The following PDE1C variants were observed in gnomAD, a reference collection of about 807,000 sequenced individuals.
The protein encoded by PDE1C is dual specificity calcium/calmodulin-dependent 3',5'-cyclic nucleotide phosphodiesterase 1C.
In PDE1C, 62 loss-of-function variants were observed where a neutral mutation model predicts 93.1. The ratio of observed to expected loss-of-function variants is 0.67; its 90% CI spans 0.54 to 0.82. The LOEUF is 0.82. PDE1C is among the 40% of genes least tolerant of loss of function. The pLI, the probability that PDE1C is intolerant of heterozygous loss-of-function variation, is 0.00. For missense variants in PDE1C, 742 were observed against 884.6 expected (o/e 0.84, Z 2.04); for synonymous variants, 325 against 310.1 (o/e 1.05, Z -0.50).
chr7:31,930,592 G>A (rs1804061209), intron 2 of PDE1C, among the ~76,000 whole-genome samples: 1 of 152,092 alleles, frequency 6.6e-6, no homozygotes, highest in Admixed American at 6.6e-5. Context: ...TGTAATCCCA[G>A]CACCTTGGAA....
At chr7:31,647,211 C>T in the PDE1C span, among the ~76,000 whole-genome samples, 1 of 152,150 alleles carries the variant, frequency 6.6e-6, no homozygotes, top group East Asian at 1.9e-4. Flanking sequence ...TAAGAGTGAG[C>T]CTGGGTTTGT....
chr7:31,892,729 G>A (rs1256926117), intron 2 of PDE1C, among the ~76,000 whole-genome samples: 1 of 152,052 alleles, frequency 6.6e-6, no homozygotes, highest in African/African-American at 2.4e-5. Context: ...TTCTGTGTCT[G>A]GCTTATTTCA....
At chr7:32,139,603 T>C (rs1453854590) in intron 3 of PDE1C, among the ~76,000 whole-genome samples, 1 of 152,032 alleles carries the variant, frequency 6.6e-6, no homozygotes, top group Non-Finnish European at 1.5e-5. Flanking sequence ...CCAGGTAAAG[T>C]GTAATCATTG....
chr7:32,317,208 G>A (rs1170877385), intron 1 of PDE1C, among the ~76,000 whole-genome samples: 1 of 152,232 alleles, frequency 6.6e-6, no homozygotes, highest in Admixed American at 6.5e-5. Flanking sequence ...AGAAGTAACA[G>A]AAGAGTTGGT....
rs1783789459 is a variant in PDE1C, at chr7:32,343,126, G to C, written c.310+84696C>G. The stretch of plus-strand genomic sequence containing the variant: ...CAACAAGGACTTGTGGACAATGCAA[G>C]GGTGAACAGCAGGAAAGGCAGAAAC... On this transcript the variant is annotated intron_variant, in intron 1 of 1. Transcript: ENST00000672256. Among the ~76,000 whole-genome samples the C allele has an allele frequency of 3.9e-5, 6 of 152,138 alleles. No homozygotes were observed. In the South Asian group the frequency reaches 1.2e-3, roughly 32 times the overall value.
the PDE1C span, among the ~76,000 whole-genome samples, chr7:31,628,490 C>G: frequency 2.0e-4 from 30 of 150,568 alleles, no homozygotes; most frequent in East Asian, 3.5e-3. Context: ...AGGAGTCTCG[C>G]TCTGTCACTC....
the PDE1C span, among the ~76,000 whole-genome samples, chr7:31,725,198 G>A: frequency 6.6e-6 from 1 of 152,010 alleles, no homozygotes; most frequent in Non-Finnish European, 1.5e-5. Context: ...GGACCACAGG[G>A]GTCTCTGTGG....
intron 12 of PDE1C, among the ~76,000 whole-genome samples, chr7:31,826,555 C>T (rs1395753541): frequency 6.6e-6 from 1 of 152,074 alleles, no homozygotes; most frequent in Non-Finnish European, 1.5e-5. Flanking sequence ...CATAAGCTTC[C>T]CCACAACCTT....
At chr7:32,124,037 C>T (rs1169654803) in intron 3 of PDE1C, among the ~76,000 whole-genome samples, 1 of 152,168 alleles carries the variant, frequency 6.6e-6, no homozygotes, top group Non-Finnish European at 1.5e-5. Context: ...GTGCAAAAAT[C>T]ACAAGCATTC....
chr7:31,734,779 C>CA, the PDE1C span, among the ~76,000 whole-genome samples: 9 of 151,430 alleles, frequency 5.9e-5, no homozygotes, highest in African/African-American at 2.2e-4. Flanking sequence ...GGTAATCTAA[C>CA]AAAAAAAAAT....
intron 2 of PDE1C, among the ~76,000 whole-genome samples, chr7:31,942,732 G>A (rs757924284): frequency 2.6e-5 from 4 of 152,110 alleles, no homozygotes; most frequent in Non-Finnish European, 4.4e-5. Flanking sequence ...CTATCTTGAT[G>A]GTTGATTGCT....
rs796122014 is a variant in PDE1C, at chr7:32,341,173, C to CTATTTTTT, written c.310+86648_310+86649insAAAAAATA. 1.0e-3 allele frequency among the ~76,000 whole-genome samples: 88 copies of CTATTTTTT among 84,958 alleles called. 4 individuals are homozygous for CTATTTTTT. The highest frequency in any genetic ancestry group is 0.011 in the Middle Eastern group (1 of 88). 55.7% of individuals were successfully genotyped at this position (84,958 alleles called of 152,430 possible). A position where few individuals can be genotyped will look rare whatever the true frequency, so the allele number is the denominator to read the frequency against. ...CCTAAAACTACTCTAGAAATAAAGT[C>CTATTTTTT]TTTTTTTTTTTTTTTTTTTTGAGAC... On this transcript the variant is annotated intron_variant, in intron 1 of 1. Coordinates refer to the PDE1C transcript ENST00000672256.
intron 3 of PDE1C, among the ~76,000 whole-genome samples, chr7:32,147,495 T>C (rs771210251): frequency 4.6e-5 from 7 of 152,130 alleles, no homozygotes; most frequent in Non-Finnish European, 7.4e-5. Flanking sequence ...TATTTAAATA[T>C]GCATGCCCAG....
At chr7:32,227,511 C>A (rs1807382977) in intron 1 of PDE1C, among the ~76,000 whole-genome samples, 1 of 152,148 alleles carries the variant, frequency 6.6e-6, no homozygotes, top group South Asian at 2.1e-4. Context: ...TTCCTAGCAC[C>A]TAACACATGG....
chr7:31,789,887 A>T, intron 16 of PDE1C: 3 of 1,061,752 alleles, frequency 2.8e-6, no homozygotes, highest in Non-Finnish European at 3.4e-6. Flanking sequence ...CATATCCAGG[A>T]TGTCCATTCT....
chr7:31,689,734 T>G, the PDE1C span, among the ~76,000 whole-genome samples: 4 of 152,186 alleles, frequency 2.6e-5, no homozygotes, highest in Non-Finnish European at 4.4e-5. Flanking sequence ...CTCCACTTGC[T>G]TGTTCTTTTC....
chr7:31,904,674 A>G (rs868428334), intron 2 of PDE1C, among the ~76,000 whole-genome samples: 5 of 152,188 alleles, frequency 3.3e-5, no homozygotes, highest in Admixed American at 1.3e-4. Flanking sequence ...AACACTAAAT[A>G]AAGATCTTAT....
chr7:31,845,191 A>G (rs937843651), intron 9 of PDE1C, among the ~76,000 whole-genome samples: 19 of 152,150 alleles, frequency 1.2e-4, no homozygotes, highest in African/African-American at 2.4e-5. Context: ...CTCACTGAGC[A>G]TAGAAATAAT....
chr7:32,246,987 G>C (rs1809008285), intron 1 of PDE1C, among the ~76,000 whole-genome samples: 1 of 152,236 alleles, frequency 6.6e-6, no homozygotes, highest in South Asian at 2.1e-4. Flanking sequence ...TTCAGTGGGA[G>C]AGAAGTCATG....
Sources: gnomAD v4.1 joint callset for allele counts (sites outside exome capture counted in the v4.1 genomes callset) on GRCh38, gnomAD v4.1.1 for gene constraint, MANE v1.5 for transcripts, NCBI Gene and HGNC (gene_info 2026-07-23, HGNC 2026-07-21) for gene names.